RPS6KC1: variants seen among roughly 807,000 people sequenced by gnomAD.
The protein encoded by RPS6KC1 is ribosomal protein S6 kinase C1.
RPS6KC1 carries 54 observed loss-of-function variants against 103.8 expected under a neutral mutation model. That is an observed-to-expected ratio of 0.52 (90% CI 0.42 to 0.65). The LOEUF (loss-of-function observed/expected upper bound fraction) is 0.65. RPS6KC1 is among the 30% of genes least tolerant of loss of function. The probability of loss-of-function intolerance (pLI) is 0.00; values close to 1 mark genes in which losing one functional copy is unlikely to be tolerated. For missense variants in RPS6KC1, 1,151 were observed against 1,253.8 expected (o/e 0.92, Z 1.24); for synonymous variants, 439 against 438.7 (o/e 1.00, Z -0.01).
At chr1:213,512,044 G>T in the RPS6KC1 span, among the ~76,000 whole-genome samples, 1 of 152,186 alleles carries the variant, frequency 6.6e-6, no homozygotes, top group East Asian at 1.9e-4. Context: ...TGACGAGATA[G>T]TGATAGTGAT....
At chr1:213,760,005 G>C in the RPS6KC1 span, among the ~76,000 whole-genome samples, 1 of 152,180 alleles carries the variant, frequency 6.6e-6, no homozygotes, top group East Asian at 1.9e-4. Flanking sequence ...TTTCCCCCTC[G>C]TTCCCTGCAA....
intron 3 of RPS6KC1, among the ~76,000 whole-genome samples, chr1:213,086,264 C>T (rs180832485): frequency 1.3e-5 from 2 of 152,290 alleles, no homozygotes; most frequent in East Asian, 1.9e-4. Context: ...CCTAGTGGTA[C>T]TCATCCCCTA....
the RPS6KC1 span, among the ~76,000 whole-genome samples, chr1:213,599,520 A>G: frequency 6.6e-6 from 1 of 151,810 alleles, no homozygotes; most frequent in African/African-American, 2.4e-5. Flanking sequence ...ATTTCCAAAC[A>G]GTGGGGGGAA....
the RPS6KC1 span, among the ~76,000 whole-genome samples, chr1:213,849,678 A>G: frequency 6.6e-6 from 1 of 152,188 alleles, no homozygotes; most frequent in Non-Finnish European, 1.5e-5. Flanking sequence ...ATCACATTAA[A>G]TTAATATATC....
At chr1:213,260,187 G>A (rs569236028) in intron 12 of RPS6KC1, among the ~76,000 whole-genome samples, 6 of 152,130 alleles carry the variant, frequency 3.9e-5, no homozygotes, top group Non-Finnish European at 5.9e-5. Flanking sequence ...AGGAGACTTC[G>A]AGTCATTCAC....
the RPS6KC1 span, among the ~76,000 whole-genome samples, chr1:213,598,241 C>T: frequency 1.3e-5 from 2 of 152,210 alleles, no homozygotes; most frequent in Non-Finnish European, 2.9e-5. Flanking sequence ...AAGTCACACT[C>T]TCCAACAGCA....
chr1:213,663,054 G>A, the RPS6KC1 span, among the ~76,000 whole-genome samples: 50 of 152,214 alleles, frequency 3.3e-4, no homozygotes, highest in Admixed American at 3.3e-3. Flanking sequence ...GCAGGTCCTA[G>A]CTCTGCCAAG....
the RPS6KC1 span, among the ~76,000 whole-genome samples, chr1:213,544,818 G>T: frequency 9.5e-3 from 1,448 of 152,216 alleles, 11 homozygotes; most frequent in Non-Finnish European, 0.016. Context: ...TTCTCCTTTG[G>T]CCTCCTCTCT....
At chr1:213,207,934 A>G (rs1174777485) in intron 8 of RPS6KC1, among the ~76,000 whole-genome samples, 2 of 152,120 alleles carry the variant, frequency 1.3e-5, no homozygotes, top group Non-Finnish European at 2.9e-5. Context: ...CAGCCTCCCA[A>G]AGTGCTGGGA....
At chr1:213,514,915 G>A in the RPS6KC1 span, among the ~76,000 whole-genome samples, 4 of 152,082 alleles carry the variant, frequency 2.6e-5, no homozygotes, top group African/African-American at 7.2e-5. Context: ...TTTAATGATC[G>A]CCATTCTAAC....
At chr1:213,764,560 C>T in the RPS6KC1 span, among the ~76,000 whole-genome samples, 1 of 152,200 alleles carries the variant, frequency 6.6e-6, no homozygotes, top group Non-Finnish European at 1.5e-5. Context: ...AATCCTACAA[C>T]CTCAGAAGCT....
intron 4 of RPS6KC1, among the ~76,000 whole-genome samples, chr1:213,105,545 G>A (rs1394988013): frequency 6.6e-6 from 1 of 151,922 alleles, no homozygotes; most frequent in Non-Finnish European, 1.5e-5. Flanking sequence ...TCATCACCTA[G>A]GAATTTATTT....
At chr1:213,513,787 T>C in the RPS6KC1 span, among the ~76,000 whole-genome samples, 1 of 152,182 alleles carries the variant, frequency 6.6e-6, no homozygotes, top group African/African-American at 2.4e-5. Context: ...AAGATAATAT[T>C]GTACAAAGTG....
the RPS6KC1 span, among the ~76,000 whole-genome samples, chr1:213,497,896 T>C: frequency 2.6e-5 from 4 of 151,966 alleles, no homozygotes; most frequent in African/African-American, 7.2e-5. Context: ...ATTTAAAAAA[T>C]TTAAGAAACT....
chr1:213,606,385 C>T, the RPS6KC1 span, among the ~76,000 whole-genome samples: 1 of 152,204 alleles, frequency 6.6e-6, no homozygotes, highest in Non-Finnish European at 1.5e-5. Flanking sequence ...CACATCAGTC[C>T]ACAGGGACTT....
In RPS6KC1 at chr1:213,241,359, C is replaced by A; in HGVS notation, c.1883C>A (p.Pro628His). ...GEKLYSLKSE[P>H]LKPFFTLPDG... Reference sequence around the variant, plus strand: ...AAATTGTATAGTCTAAAATCAGAACCTTTGAAACCATTCTTTACTCTTCCA... The same window carrying A: ...AAATTGTATAGTCTAAAATCAGAACATTTGAAACCATTCTTTACTCTTCCA... Residue 628 changes from proline (P) to histidine (H), a missense_variant, in exon 11 of 15, where the codon CCT (proline) becomes CAT (histidine). This residue lies in a region of RPS6KC1 where 959 missense variants were observed against 1,006.3 expected (regional missense o/e 0.95). Coordinates refer to ENST00000366960, the MANE Select transcript of RPS6KC1 (RefSeq NM_012424.6). The A allele has an allele frequency of 6.2e-7, 1 of 1,613,856 alleles. No individual in the cohort carries two copies. The highest frequency in any genetic ancestry group is 8.5e-7 in the Non-Finnish European group (1 of 1,179,912).
the RPS6KC1 span, among the ~76,000 whole-genome samples, chr1:213,532,680 T>C: frequency 1.3e-5 from 2 of 152,250 alleles, no homozygotes; most frequent in African/African-American, 2.4e-5. Flanking sequence ...CCATGGGTGG[T>C]TGGTAACACA....
At chr1:213,145,963 TTC>T (rs2087719332) in intron 6 of RPS6KC1, among the ~76,000 whole-genome samples, 1 of 135,108 alleles carries the variant, frequency 7.4e-6, no homozygotes, top group South Asian at 2.5e-4. Flanking sequence ...TATTCATTCA[TTC>T]TGTTTTTTTT....
At chr1:213,781,870 CATT>C in the RPS6KC1 span, among the ~76,000 whole-genome samples, 1 of 152,162 alleles carries the variant, frequency 6.6e-6, no homozygotes, top group African/African-American at 2.4e-5. Context: ...CAGTCCAAAT[CATT>C]GTTGAGGATT....
Sources: gnomAD v4.1 joint callset for allele counts (sites outside exome capture counted in the v4.1 genomes callset) on GRCh38, gnomAD v4.1.1 for gene constraint, gnomAD v4.1.1 regional missense constraint, MANE v1.5 for transcripts, NCBI Gene and HGNC (gene_info 2026-07-23, HGNC 2026-07-21) for gene names.